Variants in BMPR1A observed in about 807,000 individuals in gnomAD.
BMPR1A encodes bone morphogenetic protein receptor type-1A.
BMPR1A carries 7 observed loss-of-function variants against 66.0 expected under a neutral mutation model. That is an observed-to-expected ratio of 0.11 (90% confidence interval 0.06 to 0.20). The LOEUF is 0.20. BMPR1A is among the 10% of genes least tolerant of loss of function. The probability of loss-of-function intolerance (pLI) is 1.00; values close to 1 mark genes in which losing one functional copy is unlikely to be tolerated. For synonymous variants in BMPR1A, 200 were observed against 229.7 expected, an observed-to-expected ratio of 0.87 and a Z score of 1.17; for missense variants, 408 against 669.1, an observed-to-expected ratio of 0.61 and a Z score of 4.31.
rs4508112 is a variant in BMPR1A, at chr10:86,764,043, A to G, written c.-268+7124A>G. ...CCTGACCTCGTGATCCTCCCGCCTC[A>G]GCCTCCCAAAGTGCTGGGATTACAG... is the stretch of plus-strand genomic sequence containing the variant. On this transcript the variant is annotated intron_variant, in intron 1 of 12. Transcript: ENST00000372037. 0.27 allele frequency among the ~76,000 whole-genome samples: 40,469 copies of G among 152,012 alleles called. 6,802 individuals are homozygous for G. Among genetic ancestry groups the G allele is most frequent in the East Asian group, 0.69 (3,580 of 5,154 alleles).
intron 5 of BMPR1A, among the ~76,000 whole-genome samples, chr10:86,897,971 A>C (rs746458182): frequency 6.6e-6 from 1 of 152,216 alleles, no homozygotes; most frequent in Middle Eastern, 3.2e-3. Context: ...GCTCAAGTTC[A>C]CAAAGTGAAC....
chr10:86,786,263 A>T (rs1046070457), intron 1 of BMPR1A, among the ~76,000 whole-genome samples: 1 of 151,768 alleles, frequency 6.6e-6, no homozygotes, highest in Non-Finnish European at 1.5e-5. Flanking sequence ...ACACAACAAA[A>T]CTTCTCTGAA....
At chr10:86,869,748 ACT>A (rs929001805) in intron 2 of BMPR1A, among the ~76,000 whole-genome samples, 3 of 151,046 alleles carry the variant, frequency 2.0e-5, no homozygotes, top group African/African-American at 4.9e-5. Flanking sequence ...CAAGAGTGAA[ACT>A]CTGTCTCAAA....
At chr10:86,818,275 C>T (rs1426778276) in intron 1 of BMPR1A, among the ~76,000 whole-genome samples, 1 of 152,172 alleles carries the variant, frequency 6.6e-6, no homozygotes, top group East Asian at 1.9e-4. Context: ...CCTCGGCCTC[C>T]AAAAGTGCTG....
chr10:86,788,063 T>C (rs549361618), intron 1 of BMPR1A, among the ~76,000 whole-genome samples: 1 of 152,208 alleles, frequency 6.6e-6, no homozygotes, highest in East Asian at 1.9e-4. Context: ...AGGGAAGTAC[T>C]GTGGGCTCAG....
chr10:86,769,074 A>G (rs1391961774), intron 1 of BMPR1A, among the ~76,000 whole-genome samples: 2 of 152,238 alleles, frequency 1.3e-5, no homozygotes, highest in Admixed American at 6.5e-5. Flanking sequence ...GTTGCTTTCT[A>G]AAAGTATGCA....
intron 1 of BMPR1A, among the ~76,000 whole-genome samples, chr10:86,769,509 A>C (rs557142833): frequency 5.3e-5 from 8 of 152,360 alleles, no homozygotes; most frequent in East Asian, 1.9e-4. Flanking sequence ...CATATAAAGT[A>C]AAGTCAAAGA....
intron 2 of BMPR1A, among the ~76,000 whole-genome samples, chr10:86,857,878 A>G (rs535482659): frequency 3.3e-5 from 5 of 151,866 alleles, no homozygotes; most frequent in Non-Finnish European, 7.4e-5. Context: ...GGCTGGTCTC[A>G]AACTCCTGGT....
intron 2 of BMPR1A, among the ~76,000 whole-genome samples, chr10:86,861,988 C>G (rs1181364428): frequency 1.3e-5 from 2 of 152,208 alleles, no homozygotes; most frequent in East Asian, 3.8e-4. Flanking sequence ...TCCATTCAGT[C>G]ATTCCCTCAA....
chr10:86,907,624 T>C (rs947539231), intron 7 of BMPR1A, among the ~76,000 whole-genome samples: 3 of 152,252 alleles, frequency 2.0e-5, no homozygotes, highest in Non-Finnish European at 2.9e-5. Context: ...TACAGTGGAA[T>C]ATTACTCAAC....
At chr10:86,828,982 T>A (rs7895217) in intron 1 of BMPR1A, among the ~76,000 whole-genome samples, 72,849 of 151,884 alleles carry the variant, frequency 0.48, 19,357 homozygotes, top group African/African-American at 0.7. Context: ...CTGGGTGATT[T>A]TCTGGGGTTC....
intron 5 of BMPR1A, among the ~76,000 whole-genome samples, chr10:86,892,567 T>TAAA (rs1843168218): frequency 6.6e-6 from 1 of 152,220 alleles, no homozygotes; most frequent in African/African-American, 2.4e-5. Context: ...TAGCTGAGAC[T>TAAA]ACAGGTGCAT....
chr10:86,902,130 A>G (rs11202253), intron 7 of BMPR1A, among the ~76,000 whole-genome samples: 22,661 of 152,158 alleles, frequency 0.15, 2,656 homozygotes, highest in East Asian at 0.67. Flanking sequence ...AAATTGCTGG[A>G]ATTACAGGCG....
chr10:86,882,909 T>C (rs902630997), intron 3 of BMPR1A, among the ~76,000 whole-genome samples: 1 of 151,764 alleles, frequency 6.6e-6, no homozygotes, highest in Non-Finnish European at 1.5e-5. Flanking sequence ...GAGGTTGCCG[T>C]GAGCTGTCAT....
intron 1 of BMPR1A, among the ~76,000 whole-genome samples, chr10:86,819,682 C>T (rs1253558469): frequency 6.6e-6 from 1 of 152,206 alleles, no homozygotes; most frequent in Non-Finnish European, 1.5e-5. Flanking sequence ...TTTGCCTATG[C>T]ATCTCATCTA....
chr10:86,858,641 C>T (rs559448882), intron 2 of BMPR1A, among the ~76,000 whole-genome samples: 5 of 152,194 alleles, frequency 3.3e-5, no homozygotes, highest in African/African-American at 7.2e-5. Context: ...TGTTTCTATA[C>T]ACCAATAATG....
At chr10:86,830,818 T>G (rs1589736447) in intron 1 of BMPR1A, among the ~76,000 whole-genome samples, 2 of 152,194 alleles carry the variant, frequency 1.3e-5, no homozygotes, top group African/African-American at 4.8e-5. Flanking sequence ...CAAACATTTT[T>G]AATTTTGTTG....
intron 1 of BMPR1A, among the ~76,000 whole-genome samples, chr10:86,776,800 T>C (rs546239550): frequency 1.3e-5 from 2 of 152,330 alleles, no homozygotes; most frequent in South Asian, 4.1e-4. Flanking sequence ...TAGTTCTTGA[T>C]CTCAACATCC....
chr10:86,901,258 C>T (rs1054591119), intron 7 of BMPR1A, among the ~76,000 whole-genome samples: 1 of 152,202 alleles, frequency 6.6e-6, no homozygotes, highest in Non-Finnish European at 1.5e-5. Context: ...CCTGAGCTAC[C>T]CAATCAAGTC....
Sources: gnomAD v4.1 joint callset for allele counts (sites outside exome capture counted in the v4.1 genomes callset) on GRCh38, gnomAD v4.1.1 for gene constraint, MANE v1.5 for transcripts, NCBI Gene and HGNC (gene_info 2026-07-23, HGNC 2026-07-21) for gene names.